The following SCAPER variants were observed in gnomAD, a reference collection of about 807,000 sequenced individuals.
SCAPER encodes the protein S-phase cyclin A associated protein in the ER, also known as S phase cyclin A-associated protein in the endoplasmic reticulum.
In SCAPER, 98 loss-of-function variants were observed where a neutral mutation model predicts 182.2. The ratio of observed to expected loss-of-function variants is 0.54; its 90% CI spans 0.46 to 0.64. The LOEUF is 0.64. Ranked by LOEUF, SCAPER falls within the 30% of genes least tolerant of loss-of-function variation. The pLI, the probability that SCAPER is intolerant of heterozygous loss-of-function variation, is 0.00. For missense variants in SCAPER, 1,432 were observed against 1,690.0 expected, an observed-to-expected ratio of 0.85 and a Z score of 2.68; for synonymous variants, 605 against 564.6, an observed-to-expected ratio of 1.07 and a Z score of -1.01.
rs569998343 is a variant in SCAPER, at chr15:76,737,730, C to A, written c.1867-4346G>T. Among the ~76,000 whole-genome samples the A allele has an allele frequency of 8.5e-5, 13 of 152,344 alleles. 1 individual carries two copies. Among genetic ancestry groups the A allele is most frequent in the Admixed American group, 8.5e-4 (13 of 15,304 alleles). On this transcript the variant is annotated intron_variant, in intron 15 of 31. Coordinates refer to ENST00000563290, the MANE Select transcript of SCAPER (RefSeq NM_020843.4). ...ATCTCTTGTTTGGTGCAGCAGTCTT[C>A]ATCAATTATCTTAGCTAGATCTTCC...
intron 2 of SCAPER, among the ~76,000 whole-genome samples, chr15:76,875,366 C>T (rs1487500536): frequency 2.0e-5 from 3 of 152,148 alleles, no homozygotes; most frequent in Non-Finnish European, 4.4e-5. Context: ...GTAGGCCAGG[C>T]GTGGTGGCTC....
intron 24 of SCAPER, among the ~76,000 whole-genome samples, chr15:76,491,326 A>G (rs187210549): frequency 1.3e-5 from 2 of 152,290 alleles, no homozygotes; most frequent in Admixed American, 1.3e-4. Context: ...TAGATGTACC[A>G]CAGTTTGTTT....
intron 1 of SCAPER, among the ~76,000 whole-genome samples, chr15:76,897,981 G>C (rs1012675905): frequency 6.6e-6 from 1 of 152,072 alleles, no homozygotes; most frequent in Non-Finnish European, 1.5e-5. Context: ...TACCACAAAG[G>C]ATTTCTGGGG....
At chr15:76,569,968 A>G (rs904410623) in intron 23 of SCAPER, among the ~76,000 whole-genome samples, 1 of 152,070 alleles carries the variant, frequency 6.6e-6, no homozygotes, top group Non-Finnish European at 1.5e-5. Context: ...GTTTTTATGC[A>G]TGTTGTCTTG....
intron 16 of SCAPER, 68 bp downstream of exon 16, chr15:76,733,161 C>A: frequency 7.0e-7 from 1 of 1,434,714 alleles, no homozygotes; most frequent in Non-Finnish European, 9.4e-7. Context: ...ACCCACCGAC[C>A]CTGCGGGGCT....
At chr15:76,511,174 G>A (rs2041999081) in intron 23 of SCAPER, among the ~76,000 whole-genome samples, 1 of 151,928 alleles carries the variant, frequency 6.6e-6, no homozygotes, top group South Asian at 2.1e-4. Flanking sequence ...GGAGATGGGT[G>A]CACCAAAATC....
chr15:76,747,971 T>C (rs1173067801), intron 15 of SCAPER, among the ~76,000 whole-genome samples: 1 of 149,604 alleles, frequency 6.7e-6, no homozygotes, highest in East Asian at 2.0e-4. Context: ...TGCTGGGAAA[T>C]ATGGATATTC....
rs747381502 is a variant in SCAPER at position 76,703,006 on chromosome 15, T to TAG, written c.2248-6_2248-5dup. 1.3e-6 allele frequency: 2 copies of TAG among 1,536,488 alleles called. No individual in the cohort carries two copies. The highest frequency in any genetic ancestry group is 4.9e-5 in the East Asian group (2 of 40,922). ...GCCTTCGAATACTTTCATCATGCTG[T>TAG]AGATGAAGTCAAAGTGCAAGAATTT... On this transcript the variant is annotated splice_region_variant and splice_polypyrimidine_tract_variant and intron_variant, in intron 18 of 31. Transcript: ENST00000563290.
At chr15:76,357,098 G>C (rs2141682849) in intron 29 of SCAPER, among the ~76,000 whole-genome samples, 1 of 148,406 alleles carries the variant, frequency 6.7e-6, no homozygotes, top group Non-Finnish European at 1.5e-5. Context: ...TTGCTCCATT[G>C]CTCTGGGTTT....
At chr15:76,360,730 C>A (rs2041347250) in intron 29 of SCAPER, among the ~76,000 whole-genome samples, 1 of 152,156 alleles carries the variant, frequency 6.6e-6, no homozygotes, top group Non-Finnish European at 1.5e-5. Flanking sequence ...TATCAAATAA[C>A]CAGTTCTTGG....
At chr15:76,769,777 A>G (rs545850931) in intron 10 of SCAPER, among the ~76,000 whole-genome samples, 198 of 152,320 alleles carry the variant, frequency 1.3e-3, no homozygotes, top group African/African-American at 4.4e-3. Flanking sequence ...TAGTTCAACT[A>G]TTGTGGAAGA....
intron 17 of SCAPER, among the ~76,000 whole-genome samples, chr15:76,708,704 G>A (rs140233881): frequency 4.8e-4 from 73 of 152,180 alleles, no homozygotes; most frequent in African/African-American, 1.6e-3. Flanking sequence ...TGGAAAGAGC[G>A]ACAAAATACA....
rs1250005530 is a variant in SCAPER, at chr15:76,574,160, C to T, written c.2836G>A (p.Glu946Lys). The T allele has an allele frequency of 6.2e-6, 10 of 1,600,476 alleles. No individual in the cohort carries two copies. The highest frequency in any genetic ancestry group is 2.7e-5 in the African/African-American group (2 of 74,774). Residue 946 changes from glutamate to lysine, a missense_variant and splice_region_variant, in exon 23 of 32, where the codon GAG (glutamate) becomes AAG (lysine). This residue lies in a region of SCAPER where 718 missense variants were observed against 799.7 expected (regional missense o/e 0.90). Coordinates refer to ENST00000563290, the MANE Select transcript of SCAPER (RefSeq NM_020843.4). ...AAAGCCAGATATTAGTTACACACCT[C>T]TTTTTCCAGTATTCTAGTGATCTCT... ...LGEITRILEK[E>K]NVADQIAFQA...
At chr15:76,869,871 A>G (rs2072569517) in intron 2 of SCAPER, among the ~76,000 whole-genome samples, 2 of 152,204 alleles carry the variant, frequency 1.3e-5, no homozygotes, top group Non-Finnish European at 2.9e-5. Context: ...AGATGAATAA[A>G]GAAAAAGTAT....
chr15:76,459,188 G>A (rs1424188649), intron 25 of SCAPER, among the ~76,000 whole-genome samples: 1 of 152,174 alleles, frequency 6.6e-6, no homozygotes, highest in Admixed American at 6.5e-5. Flanking sequence ...CACTGTGCCT[G>A]GCTGAATTAA....
In SCAPER at chr15:76,813,249, A is replaced by AAAAAAAAAAAAAAAC. The variant is rs2066805442; in HGVS notation, c.394-8617_394-8616insGTTTTTTTTTTTTTT. ...CACTAAAAAAAAAAAAAAAAAAAAA[A>AAAAAAAAAAAAAAAC]AAAAAACAACTCAACAAAATAGGTA... On this transcript the variant is annotated intron_variant, in intron 5 of 31. Coordinates refer to ENST00000563290, the MANE Select transcript of SCAPER (RefSeq NM_020843.4). 4.7e-4 allele frequency among the ~76,000 whole-genome samples: 28 copies of AAAAAAAAAAAAAAAC among 60,182 alleles called. 4 individuals are homozygous for AAAAAAAAAAAAAAAC. Among genetic ancestry groups the AAAAAAAAAAAAAAAC allele is most frequent in the Non-Finnish European group, 7.9e-4 (17 of 21,538 alleles). The allele number at this position is 60,182 out of a possible 152,430, so 39.5% of individuals were successfully genotyped here.
chr15:76,895,792 G>C (rs1259812551), intron 1 of SCAPER, among the ~76,000 whole-genome samples: 1 of 152,128 alleles, frequency 6.6e-6, no homozygotes, highest in East Asian at 1.9e-4. Context: ...TATAATCTCA[G>C]CACTTTGGGA....
intron 23 of SCAPER, among the ~76,000 whole-genome samples, chr15:76,552,811 G>C (rs1375977861): frequency 6.6e-6 from 1 of 151,940 alleles, no homozygotes; most frequent in Non-Finnish European, 1.5e-5. Flanking sequence ...TGTTTAACCT[G>C]AACAGAGCAG....
At chr15:76,451,561 C>G (rs2048367716) in intron 25 of SCAPER, among the ~76,000 whole-genome samples, 1 of 152,220 alleles carries the variant, frequency 6.6e-6, no homozygotes, top group South Asian at 2.1e-4. Context: ...ACTTTTGCCA[C>G]AGTCAGAAAC....
Sources: allele counts gnomAD v4.1 joint callset (sites outside exome capture counted in the v4.1 genomes callset), GRCh38; gene constraint gnomAD v4.1.1; regional missense constraint gnomAD v4.1.1; transcripts MANE v1.5; gene names NCBI Gene and HGNC (gene_info 2026-07-23, HGNC 2026-07-21).